The following TRUB2 variants were observed in gnomAD, a reference collection of about 807,000 sequenced individuals.
TRUB2 encodes pseudouridylate synthase TRUB2, mitochondrial.
Under a neutral mutation model 31.9 loss-of-function variants are expected in TRUB2, and 31 were observed. The ratio of observed to expected loss-of-function variants is 0.97; its 90% confidence interval spans 0.73 to 1.31. TRUB2 has a LOEUF of 1.31. Among genes scored for constraint, TRUB2 ranks in the 50% most tolerant of loss-of-function variants. The pLI is 0.00. For synonymous variants in TRUB2, 201 were observed against 182.6 expected (o/e 1.10, Z -0.81); for missense variants, 451 against 439.6 (o/e 1.03, Z -0.23).
In TRUB2 at chr9:128,317,212, A is replaced by G. The variant is rs1832084828; in HGVS notation, c.256T>C (p.Phe86Leu). 2 of 1,594,562 alleles carry G rather than the reference A, an allele frequency of 1.3e-6. No individual in the cohort carries two copies. Among genetic ancestry groups the G allele is most frequent in the African/African-American group, 1.3e-5 (1 of 74,728 alleles). ...CCCACGCCAACCTTGAGATGGGCGA[A>G]TGCTGGTCCACATACTGGAAAGAAA... is the stretch of plus-strand genomic sequence containing the variant. ...INHPLVCGPA[F>L]AHLKVGVGHR... is the part of the protein sequence containing the mutation. The change falls in exon 3 of 8, where the codon TTC (phenylalanine) becomes CTC (leucine). Residue 86 changes from phenylalanine (F) to leucine (L), a missense_variant. Transcript: ENST00000372890.
At chr9:128,318,786 G>T (rs1015707434) in intron 2 of TRUB2, among the ~76,000 whole-genome samples, 1 of 151,778 alleles carries the variant, frequency 6.6e-6, no homozygotes, top group Admixed American at 6.6e-5. Context: ...CGCCTGCCTC[G>T]GCCTCCCAAA....
Position 128,315,553 on chromosome 9 carries a change from C to G in TRUB2, c.378+14G>C. On this transcript the variant is annotated intron_variant, in intron 4 of 7. Transcript: ENST00000372890. ...GGACCAAGGGAGAAGCAGGCTGTCC[C>G]CAGACCCTCGTACCTTGGTAAGATG... The G allele has an allele frequency of 1.2e-6, 2 of 1,612,322 alleles. No homozygotes were observed. Among genetic ancestry groups the G allele is most frequent in the Non-Finnish European group, 8.5e-7 (1 of 1,179,326 alleles).
chr9:128,316,022 G>A lies in TRUB2; in HGVS notation c.317-394C>T, dbSNP rs1256072226. 1.4e-5 allele frequency: 3 copies of A among 212,808 alleles called. No homozygotes were observed. In the South Asian group the frequency reaches 2.4e-4, roughly 17 times the overall value. 13.2% of individuals were successfully genotyped at this position (212,808 alleles called of 1,614,324 possible). On this transcript the variant is annotated intron_variant, in intron 3 of 7. Coordinates refer to ENST00000372890, the MANE Select transcript of TRUB2 (RefSeq NM_015679.3). ...TCAGTAAAATGGGGGTAAAAATACT[G>A]TCTGAAGGCCAGGCGCAGTGGCTCA...
Position 128,307,967 on chromosome 9 carries a change from T to C in TRUB2, c.*1583A>G, listed in dbSNP as rs761311420. 1 of 143,502 alleles carries C rather than the reference T, an allele frequency of 7.0e-6. No individual in the cohort carries two copies. Among genetic ancestry groups the C allele is most frequent in the African/African-American group, 2.6e-5 (1 of 38,430 alleles). The allele number at this position is 143,502 out of a possible 1,614,324, so 8.9% of individuals were successfully genotyped here. ...ATCCCAGTGCTTTGGGAGGCAGAGGTTGGCATAATCCCAGCGCTCTGGGAG... is the reference window on the plus strand; with the variant it reads ...ATCCCAGTGCTTTGGGAGGCAGAGGCTGGCATAATCCCAGCGCTCTGGGAG... On this transcript the variant is annotated 3_prime_UTR_variant, in exon 8 of 8. Coordinates refer to ENST00000372890, the MANE Select transcript of TRUB2 (RefSeq NM_015679.3).
chr9:128,311,097 GCTC>G (rs1831962047), intron 6 of TRUB2, 74 bp from the exon 7 acceptor site: 1 of 1,575,112 alleles, frequency 6.3e-7, no homozygotes, highest in Non-Finnish European at 8.7e-7. Flanking sequence ...CTCTCTGGAA[GCTC>G]CTCACTTGCT....
rs1366690753 is a variant in TRUB2, at chr9:128,306,209, C to T, written c.*3341G>A. 1 of 152,036 alleles carries T rather than the reference C, an allele frequency of 6.6e-6. No individual in the cohort carries two copies. Among genetic ancestry groups the T allele is most frequent in the African/African-American group, 2.4e-5 (1 of 41,390 alleles). 9.4% of individuals were successfully genotyped at this position (152,036 alleles called of 1,614,324 possible). ...TATTTTGGCCATGACTCAGAGTTCC[C>T]CTATCCTGCTATCCTGAGATCATGA... is the stretch of plus-strand genomic sequence containing the variant. On this transcript the variant is annotated 3_prime_UTR_variant, in exon 8 of 8. Transcript: ENST00000372890.
rs1488537356 is a variant in TRUB2 at position 128,306,921 on chromosome 9, A to G, written c.*2629T>C. 1 of 151,420 alleles carries G rather than the reference A, an allele frequency of 6.6e-6. No individual in the cohort carries two copies. Among genetic ancestry groups the G allele is most frequent in the Non-Finnish European group, 1.5e-5 (1 of 67,892 alleles). 9.4% of individuals were successfully genotyped at this position (151,420 alleles called of 1,614,324 possible). On this transcript the variant is annotated 3_prime_UTR_variant, in exon 8 of 8. Transcript: ENST00000372890. Reference sequence around the variant, plus strand: ...TGGCTAATTTTTGTATTTTTAGTAGAGACAGGGTTTCACTATGTTGGCCAG... The same window carrying G: ...TGGCTAATTTTTGTATTTTTAGTAGGGACAGGGTTTCACTATGTTGGCCAG...
chr9:128,309,869 T>C lies in TRUB2; in HGVS notation c.677A>G (p.Gln226Arg). ...FAPPEFLLEV[Q>R]CMHETQKELR... The stretch of plus-strand genomic sequence containing the variant: ...CTCTTTCTGCGTCTCATGCATGCAC[T>C]GCACCTCTGCCAGGGACACACAATG... Residue 226 changes from glutamine to arginine, a missense_variant, in exon 8 of 8, where the codon CAG (glutamine) becomes CGG (arginine). Coordinates refer to ENST00000372890, the MANE Select transcript of TRUB2 (RefSeq NM_015679.3). 1 of 1,613,142 alleles carries C rather than the reference T, an allele frequency of 6.2e-7. No individual in the cohort carries two copies. Among genetic ancestry groups the C allele is most frequent in the Non-Finnish European group, 8.5e-7 (1 of 1,179,302 alleles).
chr9:128,313,981 G>A, intron 4 of TRUB2, 92 bp from the exon 5 acceptor site: 1 of 1,177,630 alleles, frequency 8.5e-7, no homozygotes, highest in Non-Finnish European at 1.2e-6. Context: ...GGGTCCTCAG[G>A]TCTCCCTCAG....
At chr9:128,315,694 C>T (rs571769032) in intron 3 of TRUB2, 66 bp from the exon 4 acceptor site, 286 of 1,528,972 alleles carry the variant, frequency 1.9e-4, no homozygotes, top group Non-Finnish European at 1.8e-4. Flanking sequence ...TATCCCCACC[C>T]CTACCCCCAC....
At chr9:128,317,043 G>A (rs780799570) in intron 3 of TRUB2, 109 bp downstream of exon 3, 27 of 930,946 alleles carry the variant, frequency 2.9e-5, no homozygotes, top group Non-Finnish European at 4.2e-5. Context: ...GGGCAGGAGA[G>A]GAGTGGTGGG....
In TRUB2 at chr9:128,309,701, G is replaced by T; in HGVS notation, c.845C>A (p.Ala282Asp). The T allele has an allele frequency of 6.2e-7, 1 of 1,614,246 alleles. No individual in the cohort carries two copies. Among genetic ancestry groups the T allele is most frequent in the Non-Finnish European group, 8.5e-7 (1 of 1,180,042 alleles). The change falls in exon 8 of 8, where the codon GCT (alanine) becomes GAT (aspartate). Residue 282 changes from alanine to aspartate, a missense_variant. Physicochemically the swap from Ala to Asp is moderately radical, Grantham distance 126. Coordinates refer to ENST00000372890, the MANE Select transcript of TRUB2 (RefSeq NM_015679.3). ...TQWDLTNIQD[A>D]IRAATPQVAA... is the part of the protein sequence containing the mutation. Reference sequence around the variant, plus strand: ...TACCTGAGGGGTAGCAGCCCGGATAGCATCCTGGATGTTGGTTAGGTCCCA... The same window carrying T: ...TACCTGAGGGGTAGCAGCCCGGATATCATCCTGGATGTTGGTTAGGTCCCA...
At chr9:128,313,392 C>T (rs559667876) in intron 5 of TRUB2, among the ~76,000 whole-genome samples, 3 of 148,994 alleles carry the variant, frequency 2.0e-5, no homozygotes, top group South Asian at 2.1e-4. Context: ...AAAAAAAAGC[C>T]GGGCGTGGTG....
At chr9:128,312,984 G>C (rs1405774684) in intron 5 of TRUB2, among the ~76,000 whole-genome samples, 2 of 152,110 alleles carry the variant, frequency 1.3e-5, no homozygotes, top group East Asian at 4.0e-4. Flanking sequence ...GGGAGGCCGA[G>C]GTGGGCAGAA....
Position 128,321,682 on chromosome 9 carries a change from A to T in TRUB2, c.158T>A (p.Leu53Ter). The change falls in exon 2 of 8, where the codon TTG becomes TAG. Residue 53 changes from leucine to a stop codon, truncating the protein, a stop_gained. Coordinates refer to ENST00000372890, the MANE Select transcript of TRUB2 (RefSeq NM_015679.3). LOFTEE classifies it high-confidence loss of function. ...PPAPKQRVRFLLGPMEGSEEK... is the reference protein window; with the variant it reads ...PPAPKQRVRF ...TTCGCTGCCTTCCATGGGGCCCAGC[A>T]AGAAGCGAACACGCTGTTTAGGAGC... 6.2e-7 allele frequency: 1 copy of T among 1,613,982 alleles called. No homozygotes were observed. Among genetic ancestry groups the T allele is most frequent in the Middle Eastern group, 1.7e-4 (1 of 5,852 alleles).
rs1431984404 is a variant in TRUB2 at position 128,306,180 on chromosome 9, C to G, written c.*3370G>C. On this transcript the variant is annotated 3_prime_UTR_variant, in exon 8 of 8. Coordinates refer to ENST00000372890, the MANE Select transcript of TRUB2 (RefSeq NM_015679.3). ...CAGCTGTCTGAGGCTGTACATTGAC[C>G]AATTATTTTGGCCATGACTCAGAGT... 5.9e-5 allele frequency: 9 copies of G among 151,982 alleles called. No individual in the cohort carries two copies. Among genetic ancestry groups the G allele is most frequent in the Non-Finnish European group, 8.8e-5 (6 of 68,012 alleles). 9.4% of individuals were successfully genotyped at this position (151,982 alleles called of 1,614,324 possible).
At chr9:128,312,437 CT>C (rs954136259) in intron 5 of TRUB2, among the ~76,000 whole-genome samples, 56 of 132,754 alleles carry the variant, frequency 4.2e-4, no homozygotes, top group Middle Eastern at 5.0e-3. Context: ...CGAACCTGGC[CT>C]TTTTTTTTTT....
chr9:128,311,578 C>A lies in TRUB2; in HGVS notation c.484G>T (p.Asp162Tyr). Residue 162 changes from aspartate (D) to tyrosine (Y), a missense_variant, in exon 6 of 8, where the codon GAC becomes TAC. Asp to Tyr is a radical substitution (Grantham distance 160). Transcript: ENST00000372890. Reference sequence around the variant, plus strand: ...CCTTGGATAACGGCCAGAATGCGGTCCAGCTTCTCTCTGGTCACGTGGTCT... The same window carrying A: ...CCTTGGATAACGGCCAGAATGCGGTACAGCTTCTCTCTGGTCACGTGGTCT... ...TYDHVTREKL[D>Y]RILAVIQGSH... The A allele has an allele frequency of 6.2e-7, 1 of 1,614,064 alleles. No homozygotes were observed. Among genetic ancestry groups the A allele is most frequent in the East Asian group, 2.2e-5 (1 of 44,854 alleles).
At chr9:128,315,691 A>T in intron 3 of TRUB2, 63 bp from the exon 4 acceptor site, 1 of 1,540,378 alleles carries the variant, frequency 6.5e-7, no homozygotes, top group Non-Finnish European at 8.8e-7. Flanking sequence ...AAGTATCCCC[A>T]CCCCTACCCC....
Sources: allele counts gnomAD v4.1 joint callset (sites outside exome capture counted in the v4.1 genomes callset), GRCh38; gene constraint gnomAD v4.1.1; transcripts MANE v1.5; gene names NCBI Gene and HGNC (gene_info 2026-07-23, HGNC 2026-07-21).